Variants in EIF4E3 observed in about 807,000 individuals in gnomAD.
EIF4E3 encodes the protein eukaryotic translation initiation factor 4E type 3.
EIF4E3 carries 26 observed loss-of-function variants against 31.7 expected under a neutral mutation model. The observed-to-expected ratio is 0.82, with a 90% CI of 0.60 to 1.14. The LOEUF is 1.14. EIF4E3 is among the 50% of genes most tolerant of loss of function. The pLI is 0.00. For missense variants in EIF4E3, 304 were observed against 270.9 expected (o/e 1.12, Z -0.86); for synonymous variants, 128 against 107.7 (o/e 1.19, Z -1.17).
chr3:71,742,146 A>G (rs192507711), intron 1 of EIF4E3, among the ~76,000 whole-genome samples: 1 of 152,292 alleles, frequency 6.6e-6, no homozygotes. Context: ...GAGATAATAA[A>G]TATCAGAGCA....
chr3:71,693,636 GA>G (rs1234202834), intron 5 of EIF4E3, among the ~76,000 whole-genome samples: 1 of 152,134 alleles, frequency 6.6e-6, no homozygotes, highest in African/African-American at 2.4e-5. Flanking sequence ...AAATATACAT[GA>G]ATATATACAT....
chr3:71,732,790 G>T (rs531020675), intron 1 of EIF4E3, among the ~76,000 whole-genome samples: 1 of 152,336 alleles, frequency 6.6e-6, no homozygotes, highest in African/African-American at 2.4e-5. Flanking sequence ...GTGATCAGAG[G>T]AAAGTCCAAA....
At chr3:71,671,415 C>T (rs704285), downstream of EIF4E3, among the ~76,000 whole-genome samples, 88,399 of 151,716 alleles carry the variant, frequency 0.58, 26,984 homozygotes, top group African/African-American at 0.79. Context: ...TGGCAGCATC[C>T]GGAGCCGCTC....
intron 1 of EIF4E3, among the ~76,000 whole-genome samples, chr3:71,737,916 A>G (rs1374930106): frequency 6.6e-6 from 1 of 152,236 alleles, no homozygotes; most frequent in African/African-American, 2.4e-5. Flanking sequence ...ACTCAGTGAA[A>G]TATCTATTCA....
rs557168331 is a variant in EIF4E3, at chr3:71,683,152, C to T, written c.*1530G>A. On this transcript the variant is annotated 3_prime_UTR_variant, in exon 7 of 7. Transcript: ENST00000425534. ...GTAAGTATTATGGCTGAGGTGGTTA[C>T]TAACCAAGTGAAGGGCACAACTTCC... 22 of 152,022 alleles carry T rather than the reference C, an allele frequency of 1.4e-4. No homozygotes were observed. Among genetic ancestry groups the T allele is most frequent in the African/African-American group, 4.6e-4 (19 of 41,476 alleles). The allele number at this position is 152,022 out of a possible 1,614,324, so 9.4% of individuals were successfully genotyped here. A position where few individuals can be genotyped will look rare whatever the true frequency, so the allele number is the denominator to read the frequency against.
chr3:71,690,987 G>A (rs149311099), intron 5 of EIF4E3, among the ~76,000 whole-genome samples: 2 of 152,312 alleles, frequency 1.3e-5, no homozygotes, highest in East Asian at 3.9e-4. Flanking sequence ...ACATAGTTGA[G>A]AACGGCGGAT....
upstream of EIF4E3, among the ~76,000 whole-genome samples, chr3:71,730,057 A>G (rs1400165743): frequency 6.6e-6 from 1 of 152,244 alleles, no homozygotes; most frequent in African/African-American, 2.4e-5. Flanking sequence ...CGGTAGGTAC[A>G]GGGCACAGGA....
intron 2 of EIF4E3, 116 bp from the exon 3 acceptor site, chr3:71,699,824 C>G: frequency 1.3e-6 from 1 of 786,472 alleles, no homozygotes; most frequent in Non-Finnish European, 2.0e-6. Context: ...TTTATCCATT[C>G]AAAATAGATT....
the EIF4E3 span, among the ~76,000 whole-genome samples, chr3:71,663,699 C>T: frequency 5.9e-5 from 9 of 152,206 alleles, no homozygotes; most frequent in East Asian, 5.8e-4. Flanking sequence ...AGGCCTTTAC[C>T]GGGAGACGTC....
chr3:71,720,716 A>G (rs1256435939), intron 1 of EIF4E3, among the ~76,000 whole-genome samples: 4 of 152,314 alleles, frequency 2.6e-5, no homozygotes, highest in African/African-American at 9.6e-5. Flanking sequence ...TATGTTTAGA[A>G]GGCTAACCAT....
chr3:71,741,150 C>T (rs1279869667), intron 1 of EIF4E3, among the ~76,000 whole-genome samples: 3 of 151,380 alleles, frequency 2.0e-5, no homozygotes, highest in Non-Finnish European at 2.9e-5. Flanking sequence ...AAATAAAATA[C>T]AATAAAAACA....
intron 1 of EIF4E3, among the ~76,000 whole-genome samples, chr3:71,714,491 T>C (rs1265787901): frequency 1.3e-5 from 2 of 152,048 alleles, no homozygotes; most frequent in Non-Finnish European, 2.9e-5. Flanking sequence ...AGTAACAAAA[T>C]AGTGATGTCG....
the EIF4E3 span, among the ~76,000 whole-genome samples, chr3:71,663,738 A>G: frequency 1.3e-5 from 2 of 152,250 alleles, no homozygotes; most frequent in African/African-American, 4.8e-5. Flanking sequence ...TTCGCCGCTC[A>G]TGCCTGTTTT....
chr3:71,749,732 A>G (rs544623700), intron 1 of EIF4E3, among the ~76,000 whole-genome samples: 2 of 152,220 alleles, frequency 1.3e-5, no homozygotes, highest in Non-Finnish European at 2.9e-5. Flanking sequence ...TCTATGTCCA[A>G]AAGGAATAAT....
chr3:71,717,057 C>A (rs2049476156), intron 1 of EIF4E3, among the ~76,000 whole-genome samples: 1 of 152,208 alleles, frequency 6.6e-6, no homozygotes, highest in Admixed American at 6.5e-5. Flanking sequence ...CAGACCACAG[C>A]ACCACTTACA....
intron 6 of EIF4E3, among the ~76,000 whole-genome samples, chr3:71,688,705 G>T (rs1440409467): frequency 2.0e-5 from 3 of 152,200 alleles, no homozygotes; most frequent in Non-Finnish European, 4.4e-5. Context: ...AACCCTTGAT[G>T]ACCTTTCAAT....
At chr3:71,753,014 A>G (rs1322611207) in intron 1 of EIF4E3, among the ~76,000 whole-genome samples, 2 of 152,204 alleles carry the variant, frequency 1.3e-5, no homozygotes, top group African/African-American at 2.4e-5. Context: ...TCCCTGATAT[A>G]GGTCCTTCAC....
downstream of EIF4E3, among the ~76,000 whole-genome samples, chr3:71,672,316 A>C (rs11917676): frequency 6.6e-6 from 1 of 152,186 alleles, no homozygotes; most frequent in Non-Finnish European, 1.5e-5. Flanking sequence ...TACTTCCTCT[A>C]GGTTCTTCTA....
At chr3:71,661,092 CATAA>C in the EIF4E3 span, among the ~76,000 whole-genome samples, 1 of 152,126 alleles carries the variant, frequency 6.6e-6, no homozygotes, top group Non-Finnish European at 1.5e-5. Context: ...CAGAGATTCT[CATAA>C]ATACTTTTAA....
Sources: gnomAD v4.1 joint callset for allele counts (sites outside exome capture counted in the v4.1 genomes callset) on GRCh38, gnomAD v4.1.1 for gene constraint, MANE v1.5 for transcripts, NCBI Gene and HGNC (gene_info 2026-07-23, HGNC 2026-07-21) for gene names.